Variants in MEST observed in about 807,000 individuals in gnomAD.
The protein encoded by MEST is mesoderm specific transcript, also known as mesoderm-specific transcript homolog protein.
A neutral mutation model predicts 50.9 loss-of-function variants in MEST; 18 were observed. The observed-to-expected ratio is 0.35, with a 90% CI of 0.24 to 0.52. The LOEUF (loss-of-function observed/expected upper bound fraction) is 0.52. MEST is among the 20% of genes least tolerant of loss of function. The pLI is 0.94. For synonymous variants in MEST, 130 were observed against 154.1 expected, an observed-to-expected ratio of 0.84 and a Z score of 1.16; for missense variants, 282 against 425.3, an observed-to-expected ratio of 0.66 and a Z score of 2.96.
In MEST at chr7:130,501,705, G is replaced by C. The variant is rs1352074303; in HGVS notation, c.749+815G>C. Among the ~76,000 whole-genome samples the C allele has an allele frequency of 3.3e-5, 5 of 152,106 alleles. No individual in the cohort carries two copies. In the East Asian group the frequency reaches 9.7e-4, roughly 29 times the overall value. The stretch of plus-strand genomic sequence containing the variant: ...TTGTGCTCATCAACATCTACACTTA[G>C]AATTTTGAAGTAGATGTCGGCTGGG... On this transcript the variant is annotated intron_variant, in intron 9 of 11. Transcript: ENST00000223215.
At chr7:130,496,673 G>A (rs1584944378) in intron 2 of MEST, 1 of 164,508 alleles carries the variant, frequency 6.1e-6, no homozygotes, top group Non-Finnish European at 1.3e-5. Context: ...TGGGTCTCCT[G>A]CTGAATAAAA....
chr7:130,487,975 G>A (rs1554434204), upstream of MEST: 3 of 152,184 alleles, frequency 2.0e-5, no homozygotes, highest in Non-Finnish European at 2.9e-5. Context: ...GAGCGGGCTC[G>A]ATGTGATTTT....
At chr7:130,501,776 TG>T (rs1584950200) in intron 9 of MEST, among the ~76,000 whole-genome samples, 1 of 152,044 alleles carries the variant, frequency 6.6e-6, no homozygotes, top group Non-Finnish European at 1.5e-5. Flanking sequence ...GAGGCCAAGG[TG>T]GGCGAATCAT....
At position 130,497,311 on chromosome 7, in the gene MEST, CTTTGGGAGGCT is replaced by C; in HGVS notation, c.261+77_261+87del. 8.2e-7 allele frequency: 1 copy of C among 1,220,854 alleles called. No homozygotes were observed. The highest frequency in any genetic ancestry group is 1.2e-6 in the Non-Finnish European group (1 of 856,072). The allele number at this position is 1,220,854 out of a possible 1,614,324, so 75.6% of individuals were successfully genotyped here. On this transcript the variant is annotated intron_variant, in intron 3 of 11. Coordinates refer to ENST00000223215, the MANE Select transcript of MEST (RefSeq NM_002402.4). The surrounding 1 kb of genome is among the most constrained non-coding windows in gnomAD (Gnocchi z 4.0). ...GGGCGCGGGGGCTCAAATCCTAGCA[CTTTGGGAGGCT>C]GAGGTGGGAGGATGACCTGAGGTCA...
upstream of MEST, chr7:130,488,824 C>G (rs1175625674): frequency 1.3e-5 from 2 of 152,204 alleles, no homozygotes; most frequent in East Asian, 3.8e-4. Flanking sequence ...TCTGTGAGTT[C>G]TAACCAGCAT....
chr7:130,498,013 G>T lies in MEST; in HGVS notation c.339G>T (p.Pro113=). 2 of 1,614,166 alleles carry T rather than the reference G, an allele frequency of 1.2e-6. No individual in the cohort carries two copies. Among genetic ancestry groups the T allele is most frequent in the Non-Finnish European group, 1.7e-6 (2 of 1,180,030 alleles). Residue 113 remains proline (P), a splice_region_variant and synonymous_variant, in exon 4 of 12, where the codon CCG becomes CCT. Transcript: ENST00000223215. ...TAGGCTTTGGCTTCAGTGACAAACC[G>T]GTAAGCAGCACCTATGTGGGGCTGG... ...DFLGFGFSDK[P]RPHHYSIFEQ...
intron 6 of MEST, among the ~76,000 whole-genome samples, chr7:130,499,041 G>A (rs1554437928): frequency 6.6e-6 from 1 of 152,208 alleles, no homozygotes; most frequent in Admixed American, 6.5e-5. Context: ...AAGAAAGGAT[G>A]TTATTCAAGG....
Position 130,492,275 on chromosome 7 carries a change from T to G in MEST, c.-39T>G. On this transcript the variant is annotated 5_prime_UTR_variant, in exon 1 of 12. Coordinates refer to ENST00000223215, the MANE Select transcript of MEST (RefSeq NM_002402.4). This position sits in a 1 kb window ranked among gnomAD's most constrained non-coding sequence, Gnocchi z 7.6. The stretch of plus-strand genomic sequence containing the variant: ...CTGCGGGCTCTGCGGCGCCCGGTGC[T>G]CTGCAACGCTGCGGCGGGCGGCATG... The G allele has an allele frequency of 7.4e-7, 1 of 1,345,386 alleles. No homozygotes were observed. Among genetic ancestry groups the G allele is most frequent in the Non-Finnish European group, 9.5e-7 (1 of 1,050,074 alleles). The allele number at this position is 1,345,386 out of a possible 1,614,324, so 83.3% of individuals were successfully genotyped here.
Position 130,492,888 on chromosome 7 carries a change from A to G in MEST, c.26+549A>G, listed in dbSNP as rs111495123. Among the ~76,000 whole-genome samples the G allele has an allele frequency of 0.02, 3,025 of 151,504 alleles. 48 individuals carry two copies. The highest frequency in any genetic ancestry group is 0.024 in the Non-Finnish European group (1,615 of 67,890). ...TAGATCCCGGCAAAGCCCTGGTGCG[A>G]TGTAGGATTTTTAGAACCCCAGCAT... On this transcript the variant is annotated intron_variant, in intron 1 of 11. Coordinates refer to ENST00000223215, the MANE Select transcript of MEST (RefSeq NM_002402.4). The surrounding 1 kb of genome is among the most constrained non-coding windows in gnomAD (Gnocchi z 7.6).
intron 9 of MEST, among the ~76,000 whole-genome samples, chr7:130,501,251 A>C (rs1225482376): frequency 6.6e-6 from 1 of 152,128 alleles, no homozygotes; most frequent in Non-Finnish European, 1.5e-5. Flanking sequence ...TTCAAATGAG[A>C]ATGTAGACAC....
At position 130,497,161 on chromosome 7, in the gene MEST, GT is replaced by G. The variant is rs781891629; in HGVS notation, c.188del (p.Val63GlyfsTer9). 6.2e-7 allele frequency: 1 copy of G among 1,612,390 alleles called. No homozygotes were observed. The highest frequency in any genetic ancestry group is 1.3e-5 in the African/African-American group (1 of 74,902). ...TGTACTTTCCTTCTTCCTAGACTCT[GT>G]GGGTGTGGTTGGAAGTCCAGAGATA... ...KGLRIFYQDS[V>X]GVVGSPEIVV... On this transcript the variant is annotated frameshift_variant, in exon 3 of 12. Coordinates refer to ENST00000223215, the MANE Select transcript of MEST (RefSeq NM_002402.4). LOFTEE classifies it high-confidence loss of function. This position sits in a 1 kb window ranked among gnomAD's most constrained non-coding sequence, Gnocchi z 4.0.
Position 130,495,458 on chromosome 7 carries a change from C to T in MEST, c.117C>T (p.Ala39=). ...TCCCACCCCCTCAGCTCTCCCCTGC[C>T]CTTCACTCATGGAAGTCTTCAGGCA... ...LHIPPPQLSP[A]LHSWKSSGKF... The change falls in exon 2 of 12, where the codon GCC becomes GCT. Residue 39 remains alanine, a synonymous_variant. Coordinates refer to ENST00000223215, the MANE Select transcript of MEST (RefSeq NM_002402.4). 6.2e-6 allele frequency: 10 copies of T among 1,614,092 alleles called. No homozygotes were observed. Among genetic ancestry groups the T allele is most frequent in the Non-Finnish European group, 7.6e-6 (9 of 1,179,992 alleles).
chr7:130,497,498 A>G lies in MEST; in HGVS notation c.261+263A>G. On this transcript the variant is annotated intron_variant, in intron 3 of 11. Coordinates refer to ENST00000223215, the MANE Select transcript of MEST (RefSeq NM_002402.4). This position sits in a 1 kb window ranked among gnomAD's most constrained non-coding sequence, Gnocchi z 4.0. Reference sequence around the variant, plus strand: ...CTTGAACCCGGGAGGCAGAGGTTGCAGTGAGCTGAGATTGCACCACTGCAC... The same window carrying G: ...CTTGAACCCGGGAGGCAGAGGTTGCGGTGAGCTGAGATTGCACCACTGCAC... The G allele has an allele frequency of 3.5e-6, 1 of 283,342 alleles. No individual in the cohort carries two copies. The highest frequency in any genetic ancestry group is 8.0e-5 in the East Asian group (1 of 12,570). 17.6% of individuals were successfully genotyped at this position (283,342 alleles called of 1,614,324 possible).
At chr7:130,493,033 C>G (rs1470559677) in intron 1 of MEST, among the ~76,000 whole-genome samples, 1 of 152,116 alleles carries the variant, frequency 6.6e-6, no homozygotes, top group Non-Finnish European at 1.5e-5. Context: ...ATCGCAGTGC[C>G]GAGATCGCCG....
intron 2 of MEST, 28 bp downstream of exon 2, chr7:130,495,550 C>T (rs782662141): frequency 1.2e-5 from 19 of 1,604,708 alleles, no homozygotes; most frequent in East Asian, 4.5e-5. Context: ...GGAAGTCCTG[C>T]GTGTATCGGT....
At chr7:130,499,820 A>AT in intron 6 of MEST, 55 bp from the exon 7 acceptor site, 7 of 612,318 alleles carry the variant, frequency 1.1e-5, no homozygotes, top group Admixed American at 7.4e-5. Flanking sequence ...CCGTCTCTAT[A>AT]AAAAAAAAAA....
chr7:130,503,925 T>C lies in MEST; in HGVS notation c.827-8T>C. On this transcript the variant is annotated splice_polypyrimidine_tract_variant and splice_region_variant and intron_variant, in intron 10 of 11. Transcript: ENST00000223215. Reference sequence around the variant, plus strand: ...TGTTAAGTATTTCATTCCTTTTCTCTTTTCTAGTTCATTTTATCTATGGGC... The same window carrying C: ...TGTTAAGTATTTCATTCCTTTTCTCCTTTCTAGTTCATTTTATCTATGGGC... The C allele has an allele frequency of 6.2e-7, 1 of 1,609,778 alleles. No individual in the cohort carries two copies. Among genetic ancestry groups the C allele is most frequent in the Non-Finnish European group, 8.5e-7 (1 of 1,176,192 alleles).
chr7:130,488,499 G>A (rs565373958), upstream of MEST: 1 of 152,400 alleles, frequency 6.6e-6, no homozygotes, highest in South Asian at 2.1e-4. Flanking sequence ...GAGGCAGTGT[G>A]GAGTAGTGGA....
At chr7:130,503,528 G>A (rs1289236178) in intron 10 of MEST, among the ~76,000 whole-genome samples, 1 of 152,180 alleles carries the variant, frequency 6.6e-6, no homozygotes, top group African/African-American at 2.4e-5. Context: ...ATTTTCTTGG[G>A]CTGGGTGAGG....
Sources: allele counts gnomAD v4.1 joint callset (sites outside exome capture counted in the v4.1 genomes callset), GRCh38; gene constraint gnomAD v4.1.1; non-coding constraint Gnocchi (gnomAD v3.1); transcripts MANE v1.5; gene names NCBI Gene and HGNC (gene_info 2026-07-23, HGNC 2026-07-21).